The following SF3B1 variants were observed in gnomAD, a reference collection of about 807,000 sequenced individuals.
The protein encoded by SF3B1 is splicing factor 3b subunit 1.
Under a neutral mutation model 153.8 loss-of-function variants are expected in SF3B1, and 12 were observed. The observed-to-expected ratio is 0.08, with a 90% CI of 0.05 to 0.13. SF3B1 has a LOEUF of 0.13. SF3B1 is among the 10% of genes least tolerant of loss of function. The probability of loss-of-function intolerance (pLI) is 1.00; values close to 1 mark genes in which losing one functional copy is unlikely to be tolerated. For synonymous variants in SF3B1, 498 were observed against 525.2 expected (o/e 0.95, Z 0.71); for missense variants, 513 against 1,606.1 (o/e 0.32, Z 11.63).
In SF3B1 at chr2:197,401,581, C is replaced by T; in HGVS notation, c.2371-56G>A. The stretch of plus-strand genomic sequence containing the variant: ...CAACTGACCTGAAATGAAGAGAATA[C>T]TCATTGCTGATTACGTGATTTTAAA... On this transcript the variant is annotated intron_variant, in intron 16 of 24. Coordinates refer to ENST00000335508, the MANE Select transcript of SF3B1 (RefSeq NM_012433.4). The surrounding 1 kb of genome is among the most constrained non-coding windows in gnomAD (Gnocchi z 4.2). 1.3e-6 allele frequency: 2 copies of T among 1,507,642 alleles called. No individual in the cohort carries two copies. Among genetic ancestry groups the T allele is most frequent in the Non-Finnish European group, 1.8e-6 (2 of 1,096,492 alleles). The allele number at this position is 1,507,642 out of a possible 1,614,324, so 93.4% of individuals were successfully genotyped here.
Position 197,401,032 on chromosome 2 carries a change from T to G in SF3B1, c.2497-96A>C. 1.4e-6 allele frequency: 1 copy of G among 707,324 alleles called. No individual in the cohort carries two copies. The highest frequency in any genetic ancestry group is 2.7e-5 in the East Asian group (1 of 37,484). 43.8% of individuals were successfully genotyped at this position (707,324 alleles called of 1,614,324 possible). ...CCAAATACTCTAAATATACTACTTA[T>G]TTAGCTAATAAACATGGTAAGAATG... On this transcript the variant is annotated intron_variant, in intron 17 of 24. Transcript: ENST00000335508. The surrounding 1 kb of genome is among the most constrained non-coding windows in gnomAD (Gnocchi z 4.2).
At position 197,415,981 on chromosome 2, in the gene SF3B1, A is replaced by ATT. The variant is rs35479143; in HGVS notation, c.666+758_666+759dup. Among the ~76,000 whole-genome samples, 8 of 136,404 alleles carry ATT rather than the reference A, an allele frequency of 5.9e-5. No individual in the cohort carries two copies. In the South Asian group the frequency reaches 7.1e-4, roughly 12 times the overall value. 89.5% of individuals were successfully genotyped at this position (136,404 alleles called of 152,430 possible). Reference sequence around the variant, plus strand: ...AGGCATGCACCACTATGCCCAGCTAATTTTTTTTTTTTTTTTTGTAAAGAC... The same window carrying ATT: ...AGGCATGCACCACTATGCCCAGCTAATTTTTTTTTTTTTTTTTTTGTAAAGAC... On this transcript the variant is annotated intron_variant, in intron 6 of 24. Coordinates refer to ENST00000335508, the MANE Select transcript of SF3B1 (RefSeq NM_012433.4).
intron 1 of SF3B1, among the ~76,000 whole-genome samples, chr2:197,433,434 C>G (rs1259129348): frequency 6.6e-6 from 1 of 152,162 alleles, no homozygotes; most frequent in Non-Finnish European, 1.5e-5. Context: ...CAAAGCTATA[C>G]TATCAATATC....
At position 197,408,538 on chromosome 2, in the gene SF3B1, T is replaced by A; in HGVS notation, c.948A>T (p.Thr316=). 1 of 1,612,954 alleles carries A rather than the reference T, an allele frequency of 6.2e-7. No individual in the cohort carries two copies. The highest frequency in any genetic ancestry group is 8.5e-7 in the Non-Finnish European group (1 of 1,179,896). ...HGSGWAETPR[T]DRGGDSIGET... Reference sequence around the variant, plus strand: ...CACCAATAGAATCTCCACCTCGATCTGTTCGAGGAGTCTCAGCCCATCCAC... The same window carrying A: ...CACCAATAGAATCTCCACCTCGATCAGTTCGAGGAGTCTCAGCCCATCCAC... The change falls in exon 8 of 25, where the codon ACA becomes ACT. Residue 316 remains threonine (T), a synonymous_variant. Transcript: ENST00000335508.
chr2:197,392,612 A>AAT, intron 24 of SF3B1, 151 bp from the exon 25 acceptor site: 1 of 576,230 alleles, frequency 1.7e-6, no homozygotes. Context: ...CTTAAGCTGC[A>AAT]ATGGAAGAGA....
chr2:197,414,171 T>C (rs1361307071), intron 6 of SF3B1, among the ~76,000 whole-genome samples: 1 of 152,180 alleles, frequency 6.6e-6, no homozygotes, highest in African/African-American at 2.4e-5. Flanking sequence ...TGAGAAGACA[T>C]GTATGCGAAG....
At chr2:197,399,999 AAAGAAAAAGAAAGTTAAAAC>A in intron 20 of SF3B1, 36 bp downstream of exon 20, 1 of 1,242,796 alleles carries the variant, frequency 8.0e-7, no homozygotes, top group Admixed American at 2.2e-5. Flanking sequence ...ACGAAAAAAA[AAAGAAAAAGAAAGTTAAAAC>A]AAGAAAAAGT....
rs375017274 is a variant in SF3B1 at position 197,401,368 on chromosome 2, T to C, written c.2496+32A>G. On this transcript the variant is annotated intron_variant, in intron 17 of 24. Coordinates refer to ENST00000335508, the MANE Select transcript of SF3B1 (RefSeq NM_012433.4). The surrounding 1 kb of genome is among the most constrained non-coding windows in gnomAD (Gnocchi z 4.2). ...GACTAAAGAATGAGTTGAAAGGACT[T>C]TTGAGAATATTCTTTTACAATAAAA... is the stretch of plus-strand genomic sequence containing the variant. 8 of 1,573,374 alleles carry C rather than the reference T, an allele frequency of 5.1e-6. No individual in the cohort carries two copies. The highest frequency in any genetic ancestry group is 6.9e-6 in the Non-Finnish European group (8 of 1,166,048).
At chr2:197,424,363 T>TG (rs1395498451) in intron 1 of SF3B1, among the ~76,000 whole-genome samples, 2 of 151,930 alleles carry the variant, frequency 1.3e-5, no homozygotes. Flanking sequence ...TAGCTGGGCG[T>TG]GGGGGCATGC....
At chr2:197,392,838 G>A in intron 24 of SF3B1, 134 bp downstream of exon 24, 1 of 625,704 alleles carries the variant, frequency 1.6e-6, no homozygotes. Flanking sequence ...ATGACAGGTT[G>A]ATAGGTGCAG....
Position 197,408,351 on chromosome 2 carries a change from C to G in SF3B1, c.1117+18G>C. The G allele has an allele frequency of 1.2e-6, 2 of 1,608,178 alleles. No individual in the cohort carries two copies. Among genetic ancestry groups the G allele is most frequent in the South Asian group, 1.1e-5 (1 of 90,734 alleles). On this transcript the variant is annotated intron_variant, in intron 8 of 24. Coordinates refer to ENST00000335508, the MANE Select transcript of SF3B1 (RefSeq NM_012433.4). The stretch of plus-strand genomic sequence containing the variant: ...TTTATGGAGAAAAAAACAATTATGT[C>G]CAATGAGACAGTTCTACCTGGAGTA...
At chr2:197,434,870 G>C in intron 1 of SF3B1, 102 bp downstream of exon 1, 1 of 1,305,746 alleles carries the variant, frequency 7.7e-7, no homozygotes, top group Non-Finnish European at 1.1e-6. Context: ...CGCGGGCTCA[G>C]CTCCTACGAA....
chr2:197,417,844 C>T (rs920074434), intron 5 of SF3B1, among the ~76,000 whole-genome samples: 3 of 152,126 alleles, frequency 2.0e-5, no homozygotes, highest in African/African-American at 7.2e-5. Flanking sequence ...TCTCCACTTA[C>T]ATCCAAACCG....
intron 1 of SF3B1, among the ~76,000 whole-genome samples, chr2:197,430,171 A>T (rs1036552748): frequency 3.3e-5 from 5 of 152,240 alleles, no homozygotes; most frequent in Admixed American, 3.3e-4. Flanking sequence ...AGCCTGACTG[A>T]AACTGAAAAA....
chr2:197,414,745 C>G (rs1357412556), intron 6 of SF3B1, among the ~76,000 whole-genome samples: 2 of 152,142 alleles, frequency 1.3e-5, no homozygotes, highest in African/African-American at 4.8e-5. Flanking sequence ...TGGCTCATGC[C>G]TGTAATCCCA....
At position 197,401,864 on chromosome 2, in the gene SF3B1, T is replaced by C. The variant is rs1377653703; in HGVS notation, c.2248A>G (p.Ile750Val). Residue 750 changes from isoleucine to valine, a missense_variant, in exon 16 of 25, where the codon ATT (isoleucine) becomes GTT (valine). Ile to Val is a conservative substitution (Grantham distance 29). Around this residue, in one of 21 missense-constraint regions of SF3B1, gnomAD observed 50 missense variants for 236.5 expected, o/e 0.21. Coordinates refer to ENST00000335508, the MANE Select transcript of SF3B1 (RefSeq NM_012433.4). This position sits in a 1 kb window ranked among gnomAD's most constrained non-coding sequence, Gnocchi z 4.2. The stretch of plus-strand genomic sequence containing the variant: ...TCCATAAGAGGAATAAGATACCCAA[T>C]AGCCTTCAAGAAAGCAGCCAAACCC... ...GKGLAAFLKAIGYLIPLMDAE... is the reference protein window; with the variant it reads ...GKGLAAFLKAVGYLIPLMDAE... The C allele has an allele frequency of 1.2e-6, 2 of 1,603,878 alleles. No homozygotes were observed. Among genetic ancestry groups the C allele is most frequent in the African/African-American group, 1.3e-5 (1 of 74,272 alleles).
intron 1 of SF3B1, among the ~76,000 whole-genome samples, chr2:197,427,544 GCAAA>G (rs1178785200): frequency 1.3e-5 from 2 of 152,072 alleles, no homozygotes; most frequent in Non-Finnish European, 2.9e-5. Flanking sequence ...ATATTTATGA[GCAAA>G]CAAATTATTA....
In SF3B1 at chr2:197,401,713, G is replaced by C. The variant is rs368966184; in HGVS notation, c.2370+29C>G. 55 of 1,594,810 alleles carry C rather than the reference G, an allele frequency of 3.4e-5. No individual in the cohort carries two copies. In the African/African-American group the frequency reaches 5.4e-4, roughly 16 times the overall value. On this transcript the variant is annotated intron_variant, in intron 16 of 24. Transcript: ENST00000335508. This position sits in a 1 kb window ranked among gnomAD's most constrained non-coding sequence, Gnocchi z 4.2. ...CTGTTAGAACCATGAAACATATCCA[G>C]TTTACATTAACAAATCTGGAATAAT... is the stretch of plus-strand genomic sequence containing the variant.
chr2:197,434,468 C>A (rs186176608), intron 1 of SF3B1, among the ~76,000 whole-genome samples: 2 of 152,246 alleles, frequency 1.3e-5, no homozygotes, highest in East Asian at 3.9e-4. Context: ...TCGTTTCGTG[C>A]AAGAAAAATA....
Sources: allele counts gnomAD v4.1 joint callset (sites outside exome capture counted in the v4.1 genomes callset), GRCh38; gene constraint gnomAD v4.1.1; regional missense constraint gnomAD v4.1.1; non-coding constraint Gnocchi (gnomAD v3.1); transcripts MANE v1.5; gene names NCBI Gene and HGNC (gene_info 2026-07-23, HGNC 2026-07-21).